Variants in TCF12 observed in about 807,000 individuals in gnomAD.
TCF12 encodes the protein transcription factor 12.
Under a neutral mutation model 86.0 loss-of-function variants are expected in TCF12, and 45 were observed. The ratio of observed to expected loss-of-function variants is 0.52; its 90% CI spans 0.41 to 0.67. The LOEUF (loss-of-function observed/expected upper bound fraction) is 0.67, where lower values mean the gene tolerates loss of function less well. TCF12 is among the 30% of genes least tolerant of loss of function. TCF12 has a pLI of 0.00. For synonymous variants in TCF12, 330 were observed against 299.6 expected (o/e 1.10, Z -1.05); for missense variants, 881 against 859.9 (o/e 1.02, Z -0.31).
chr15:57,013,249 C>T (rs1478236414), intron 3 of TCF12, among the ~76,000 whole-genome samples: 2 of 152,048 alleles, frequency 1.3e-5, no homozygotes, highest in African/African-American at 2.4e-5. Context: ...GTTATATAGA[C>T]TTTGGGGAAA....
intron 3 of TCF12, among the ~76,000 whole-genome samples, chr15:57,061,085 G>C (rs1223427351): frequency 6.6e-6 from 1 of 152,134 alleles, no homozygotes; most frequent in African/African-American, 2.4e-5. Context: ...TCAGTGGTAT[G>C]TACTACTCTT....
At chr15:57,138,631 C>G (rs1280637604) in intron 5 of TCF12, among the ~76,000 whole-genome samples, 3 of 152,128 alleles carry the variant, frequency 2.0e-5, no homozygotes, top group Middle Eastern at 6.3e-3. Flanking sequence ...AGGAACAGGG[C>G]AGCTGTTTGT....
At chr15:57,204,137 CTG>C (rs1307694203) in intron 8 of TCF12, among the ~76,000 whole-genome samples, 1 of 152,092 alleles carries the variant, frequency 6.6e-6, no homozygotes, top group Admixed American at 6.6e-5. Flanking sequence ...TAGTCACTGA[CTG>C]TAATTTAGAA....
At chr15:57,232,478 T>C (rs1226473727) in intron 10 of TCF12, 48 bp downstream of exon 10, 1 of 1,537,360 alleles carries the variant, frequency 6.5e-7, no homozygotes, top group Non-Finnish European at 8.7e-7. Flanking sequence ...TGTCCTCACT[T>C]GTGTTTCTTT....
intron 3 of TCF12, among the ~76,000 whole-genome samples, chr15:56,984,000 T>TGAAAAAAAAAAAAAAAA (rs1595962155): frequency 2.7e-4 from 1 of 3,748 alleles, no homozygotes; most frequent in African/African-American, 4.9e-4. Flanking sequence ...AGACCCTGTC[T>TGAAAAAAAAAAAAAAAA]CAAAAAAAAA....
chr15:57,279,253 T>A (rs372139595), intron 19 of TCF12, among the ~76,000 whole-genome samples: 1 of 152,346 alleles, frequency 6.6e-6, no homozygotes, highest in African/African-American at 2.4e-5. Flanking sequence ...ATAGTCATAA[T>A]AACATAAATA....
At chr15:57,188,983 C>G (rs542078828) in intron 6 of TCF12, among the ~76,000 whole-genome samples, 1 of 152,084 alleles carries the variant, frequency 6.6e-6, no homozygotes. Flanking sequence ...GAGATGGGAC[C>G]GCCCTATGTG....
At chr15:57,182,895 C>T (rs751925355) in intron 6 of TCF12, among the ~76,000 whole-genome samples, 1 of 152,064 alleles carries the variant, frequency 6.6e-6, no homozygotes, top group Admixed American at 6.6e-5. Flanking sequence ...TTATAAATCA[C>T]TTACATGTTT....
chr15:57,258,564 A>C (rs12910132), intron 16 of TCF12, among the ~76,000 whole-genome samples: 11,884 of 152,272 alleles, frequency 0.078, 651 homozygotes, highest in Middle Eastern at 0.18. Flanking sequence ...ACATAGGATA[A>C]AATTTCATTT....
At chr15:57,096,307 T>G (rs752524776) in intron 5 of TCF12, among the ~76,000 whole-genome samples, 3 of 152,110 alleles carry the variant, frequency 2.0e-5, no homozygotes, top group Non-Finnish European at 4.4e-5. Flanking sequence ...AAAATCACAT[T>G]AGGCACAGAA....
chr15:56,985,262 T>G (rs2063126355), intron 3 of TCF12, among the ~76,000 whole-genome samples: 1 of 152,192 alleles, frequency 6.6e-6, no homozygotes, highest in Non-Finnish European at 1.5e-5. Context: ...AAGAAAACTC[T>G]TAGGAAGTGA....
intron 3 of TCF12, among the ~76,000 whole-genome samples, chr15:57,013,397 A>C (rs1343564900): frequency 3.3e-5 from 5 of 152,100 alleles, no homozygotes; most frequent in Non-Finnish European, 5.9e-5. Flanking sequence ...TGCAACCTCC[A>C]CTTCCCAGGT....
chr15:57,104,784 G>A (rs1241956430), intron 5 of TCF12, among the ~76,000 whole-genome samples: 2 of 144,582 alleles, frequency 1.4e-5, no homozygotes, highest in East Asian at 4.1e-4. Context: ...TGATCTCCTT[G>A]TTCTCCTTTG....
chr15:57,150,908 T>C (rs2053699066), intron 5 of TCF12, among the ~76,000 whole-genome samples: 1 of 127,502 alleles, frequency 7.8e-6, no homozygotes, highest in African/African-American at 2.9e-5. Context: ...CCTTCCTTCC[T>C]TCCTTCCTTC....
At chr15:57,049,289 A>G (rs1240155876) in intron 3 of TCF12, among the ~76,000 whole-genome samples, 3 of 152,224 alleles carry the variant, frequency 2.0e-5, no homozygotes, top group South Asian at 4.1e-4. Context: ...AGCATTTTTC[A>G]GTGGATTTAT....
intron 6 of TCF12, among the ~76,000 whole-genome samples, chr15:57,170,669 AT>A (rs1358334972): frequency 8.7e-5 from 1 of 11,454 alleles, no homozygotes. Context: ...AAATATATAT[AT>A]ATATAATATA....
At chr15:57,031,064 G>C (rs1383090065) in intron 3 of TCF12, among the ~76,000 whole-genome samples, 1 of 152,180 alleles carries the variant, frequency 6.6e-6, no homozygotes, top group African/African-American at 2.4e-5. Context: ...TATTTCTGTA[G>C]TAACTTGTCT....
rs559131342 is a variant in TCF12, at chr15:57,252,258, G to A, written c.1189-163G>A. The A allele has an allele frequency of 3.9e-4, 212 of 549,498 alleles. No individual in the cohort carries two copies. The East Asian group carries it at 6.2e-3, about 16-fold the overall frequency. The allele number at this position is 549,498 out of a possible 1,614,324, so 34.0% of individuals were successfully genotyped here. On this transcript the variant is annotated intron_variant, in intron 14 of 20. Coordinates refer to ENST00000333725, the MANE Select transcript of TCF12 (RefSeq NM_207037.2). ...TAGATGCTAACCTTGTAACTTCCCT[G>A]TTGAATCCCAGCCTTTTCATATCTT...
chr15:57,090,193 G>A (rs946707021), intron 4 of TCF12, among the ~76,000 whole-genome samples: 1 of 152,068 alleles, frequency 6.6e-6, no homozygotes, highest in African/African-American at 2.4e-5. Flanking sequence ...TCCAGCCTGG[G>A]CAACAGAGCG....
Sources: gnomAD v4.1 joint callset for allele counts (sites outside exome capture counted in the v4.1 genomes callset) on GRCh38, gnomAD v4.1.1 for gene constraint, MANE v1.5 for transcripts, NCBI Gene and HGNC (gene_info 2026-07-23, HGNC 2026-07-21) for gene names.